Variants in DGKI observed in about 807,000 individuals in gnomAD.
DGKI encodes diacylglycerol kinase iota.
In DGKI, 55 loss-of-function variants were observed where a neutral mutation model predicts 147.5. That is an observed-to-expected ratio of 0.37 (90% CI 0.30 to 0.47). The LOEUF (loss-of-function observed/expected upper bound fraction) is 0.47, where lower values mean the gene tolerates loss of function less well. DGKI is among the 20% of genes least tolerant of loss of function. The pLI is 1.00. For synonymous variants in DGKI, 469 were observed against 477.1 expected, an observed-to-expected ratio of 0.98 and a Z score of 0.22; for missense variants, 1,007 against 1,323.8, an observed-to-expected ratio of 0.76 and a Z score of 3.71.
chr7:137,482,853 TA>T (rs1432159901), intron 23 of DGKI, among the ~76,000 whole-genome samples: 8 of 152,076 alleles, frequency 5.3e-5, no homozygotes, highest in Middle Eastern at 3.2e-3. Flanking sequence ...CCCTGATTTT[TA>T]TCACTCTTCT....
chr7:137,674,306 C>T (rs1822952031), intron 3 of DGKI, among the ~76,000 whole-genome samples: 1 of 152,198 alleles, frequency 6.6e-6, no homozygotes, highest in Non-Finnish European at 1.5e-5. Context: ...AACTCTCCTA[C>T]AGCTGTTCTA....
At chr7:137,827,860 A>G (rs976174223) in intron 1 of DGKI, among the ~76,000 whole-genome samples, 16 of 152,214 alleles carry the variant, frequency 1.1e-4, no homozygotes, top group African/African-American at 3.6e-4. Flanking sequence ...TTCTGTTTCT[A>G]GTTTGCCATT....
intron 23 of DGKI, 116 bp downstream of exon 23, chr7:137,485,258 G>T (rs1815512042): frequency 2.4e-6 from 2 of 820,996 alleles, no homozygotes; most frequent in Admixed American, 2.9e-5. Flanking sequence ...TAGATTCTTA[G>T]AATGAACTCT....
chr7:137,620,321 T>C (rs1820703172), intron 7 of DGKI, among the ~76,000 whole-genome samples: 1 of 152,244 alleles, frequency 6.6e-6, no homozygotes, highest in Non-Finnish European at 1.5e-5. Flanking sequence ...ATCCTGATTT[T>C]GCACAAAATG....
chr7:137,653,151 CGT>C (rs1304968140), intron 5 of DGKI, among the ~76,000 whole-genome samples: 1 of 152,146 alleles, frequency 6.6e-6, no homozygotes, highest in East Asian at 1.9e-4. Context: ...TGTGCGCGCG[CGT>C]GCGCGCACTT....
At chr7:137,697,310 T>C (rs1823824338) in intron 1 of DGKI, among the ~76,000 whole-genome samples, 1 of 152,178 alleles carries the variant, frequency 6.6e-6, no homozygotes, top group African/African-American at 2.4e-5. Flanking sequence ...AATGCTACCC[T>C]TTATAAACTA....
chr7:137,562,908 A>G (rs1169911327), intron 19 of DGKI, among the ~76,000 whole-genome samples: 2 of 152,166 alleles, frequency 1.3e-5, no homozygotes, highest in Non-Finnish European at 2.9e-5. Flanking sequence ...TTCTTGTCTC[A>G]GATTCCAAGG....
intron 1 of DGKI, among the ~76,000 whole-genome samples, chr7:137,694,827 T>G (rs1823730994): frequency 6.6e-6 from 1 of 152,256 alleles, no homozygotes; most frequent in Middle Eastern, 3.4e-3. Flanking sequence ...GTCCACGCAA[T>G]AAAAAAATTG....
intron 19 of DGKI, among the ~76,000 whole-genome samples, chr7:137,560,945 AAAGT>A (rs2128970955): frequency 6.6e-6 from 1 of 152,222 alleles, no homozygotes; most frequent in South Asian, 2.1e-4. Flanking sequence ...CAGCAATAAG[AAAGT>A]AATACAGCTA....
chr7:137,822,719 A>G (rs1011461311), intron 1 of DGKI, among the ~76,000 whole-genome samples: 1 of 152,032 alleles, frequency 6.6e-6, no homozygotes, highest in Non-Finnish European at 1.5e-5. Flanking sequence ...GAATTAATGT[A>G]GGGTGAATAC....
chr7:137,568,749 G>T (rs149574619), intron 19 of DGKI, among the ~76,000 whole-genome samples: 205 of 152,082 alleles, frequency 1.3e-3, no homozygotes, highest in Non-Finnish European at 2.4e-3. Context: ...TTCAGCTCAA[G>T]AATTGGTTTC....
chr7:137,722,359 C>G, intron 1 of DGKI: 2 of 1,612,834 alleles, frequency 1.2e-6, no homozygotes, highest in Non-Finnish European at 1.7e-6. Flanking sequence ...GCCTCGAAAG[C>G]TGTTGAGCCA....
intron 21 of DGKI, chr7:137,493,820 T>C: frequency 1.4e-6 from 1 of 701,554 alleles, no homozygotes; most frequent in Non-Finnish European, 2.6e-6. Flanking sequence ...CAATGGTTCT[T>C]AACCAGTCTG....
intron 20 of DGKI, among the ~76,000 whole-genome samples, chr7:137,536,949 G>A (rs193144073): frequency 8.3e-4 from 127 of 152,244 alleles, no homozygotes; most frequent in African/African-American, 2.8e-3. Flanking sequence ...TTGCAGCCTG[G>A]GCTCTCATGG....
At position 137,407,998 on chromosome 7, in the gene DGKI, GC is replaced by G. The variant is rs1184296555; in HGVS notation, c.2800-4del. ...CCATTTTTATAGCTTTCTATTAGCT[GC>G]AAAGAGAGACATACAAAAAGAAGCT... On this transcript the variant is annotated splice_region_variant and splice_polypyrimidine_tract_variant and intron_variant, in intron 29 of 32. Transcript: ENST00000614521. 2 of 1,535,700 alleles carry G rather than the reference GC, an allele frequency of 1.3e-6. 1 individual carries two copies. The highest frequency in any genetic ancestry group is 3.4e-4 in the Middle Eastern group (2 of 5,894).
chr7:137,506,465 G>A (rs1301233160), intron 21 of DGKI, among the ~76,000 whole-genome samples: 2 of 152,112 alleles, frequency 1.3e-5, no homozygotes, highest in Non-Finnish European at 2.9e-5. Context: ...AGGGAGAAAT[G>A]AAAAGACATA....
In DGKI at chr7:137,554,896, A is replaced by G. The variant is rs114754152; in HGVS notation, c.1948-2328T>C. Among the ~76,000 whole-genome samples the G allele has an allele frequency of 3.8e-3, 582 of 151,620 alleles. 6 individuals are homozygous for G. The highest frequency in any genetic ancestry group is 0.013 in the African/African-American group (549 of 41,236). On this transcript the variant is annotated intron_variant, in intron 19 of 32. Transcript: ENST00000614521. ...TGTAAGACTAAACAAAAAAGAATAG[A>G]AAACATAAAACTATTTTCTTTTTTT...
intron 1 of DGKI, among the ~76,000 whole-genome samples, chr7:137,828,609 A>T (rs1798130237): frequency 6.6e-6 from 1 of 152,150 alleles, no homozygotes; most frequent in Non-Finnish European, 1.5e-5. Context: ...TCCCTTCAGC[A>T]GAGAATGCAC....
chr7:137,818,311 A>G (rs1585529783), intron 1 of DGKI, among the ~76,000 whole-genome samples: 1 of 152,178 alleles, frequency 6.6e-6, no homozygotes, highest in African/African-American at 2.4e-5. Context: ...TGTGTCATCA[A>G]CCACACAAGT....
Sources: allele counts gnomAD v4.1 joint callset (sites outside exome capture counted in the v4.1 genomes callset), GRCh38; gene constraint gnomAD v4.1.1; transcripts MANE v1.5; gene names NCBI Gene and HGNC (gene_info 2026-07-23, HGNC 2026-07-21).